Variants in TNFRSF9 observed in about 807,000 individuals in gnomAD.
The protein encoded by TNFRSF9 is TNF receptor superfamily member 9.
Under a neutral mutation model 28.8 loss-of-function variants are expected in TNFRSF9, and 16 were observed. That is an observed-to-expected ratio of 0.55 (90% CI 0.38 to 0.84). TNFRSF9 has a LOEUF of 0.84. Among genes scored for constraint, TNFRSF9 ranks in the 40% least tolerant of loss-of-function variants. The pLI is 0.00. For missense variants in TNFRSF9, 303 were observed against 315.0 expected (o/e 0.96, Z 0.29); for synonymous variants, 131 against 117.0 (o/e 1.12, Z -0.77).
At chr1:7,936,232 A>G (rs1450547689) in intron 5 of TNFRSF9, among the ~76,000 whole-genome samples, 1 of 152,162 alleles carries the variant, frequency 6.6e-6, no homozygotes, top group Non-Finnish European at 1.5e-5. Context: ...CCTGGCTAAC[A>G]TGGTGAAAGC....
intron 5 of TNFRSF9, among the ~76,000 whole-genome samples, chr1:7,935,731 A>G (rs1639807053): frequency 6.6e-6 from 1 of 152,148 alleles, no homozygotes; most frequent in Non-Finnish European, 1.5e-5. Flanking sequence ...CGGGAGACTG[A>G]GGTGGGAGGA....
rs150427848 is a variant in TNFRSF9, at chr1:7,929,683, A to T, written c.679+3479T>A. ...AAGACAGATAAGTGGTTGCCAGGGGATGGTGGGGAGAGGTAGAGGACCTAA... is the reference window on the plus strand; with the variant it reads ...AAGACAGATAAGTGGTTGCCAGGGGTTGGTGGGGAGAGGTAGAGGACCTAA... On this transcript the variant is annotated intron_variant, in intron 7 of 7. Coordinates refer to ENST00000377507, the MANE Select transcript of TNFRSF9 (RefSeq NM_001561.6). Among the ~76,000 whole-genome samples, 271 of 152,274 alleles carry T rather than the reference A, an allele frequency of 1.8e-3. 1 individual carries two copies. Among genetic ancestry groups the T allele is most frequent in the Non-Finnish European group, 3.4e-3 (229 of 68,018 alleles).
At chr1:7,932,808 G>C (rs1423339120) in intron 7 of TNFRSF9, among the ~76,000 whole-genome samples, 1 of 151,832 alleles carries the variant, frequency 6.6e-6, no homozygotes, top group Middle Eastern at 3.2e-3. Context: ...CATTTTTCTA[G>C]AACCGAGGTG....
chr1:7,920,815 C>A lies in TNFRSF9; in HGVS notation c.*20G>T. ...TTGCTTCTTTTCAAGAAAGTCCCAA[C>A]AGCCCTATTGACTTCCATTTCACAG... On this transcript the variant is annotated 3_prime_UTR_variant, in exon 8 of 8. Coordinates refer to ENST00000377507, the MANE Select transcript of TNFRSF9 (RefSeq NM_001561.6). 6.3e-7 allele frequency: 1 copy of A among 1,594,542 alleles called. No individual in the cohort carries two copies. Among genetic ancestry groups the A allele is most frequent in the Non-Finnish European group, 8.6e-7 (1 of 1,162,768 alleles).
At chr1:7,935,229 G>A (rs1472067143) in intron 5 of TNFRSF9, 86 bp from the exon 6 acceptor site, 1 of 1,459,012 alleles carries the variant, frequency 6.9e-7, no homozygotes, top group Non-Finnish European at 9.3e-7. Flanking sequence ...TTCACCCAAT[G>A]AAGTAGCCTA....
At position 7,938,721 on chromosome 1, in the gene TNFRSF9, C is replaced by A. The variant is rs1399281402; in HGVS notation, c.208G>T (p.Gly70Cys). The change falls in exon 3 of 8, where the codon GGT becomes TGT. Residue 70 changes from glycine (G) to cysteine (C), a missense_variant and splice_region_variant. Gly to Cys is a radical substitution (Grantham distance 159). Coordinates refer to ENST00000377507, the MANE Select transcript of TNFRSF9 (RefSeq NM_001561.6). ...RTCDICRQCK[G>C]VFRTRKECSS... ...GAAGAAAATATCTTTGAACTCATAC[C>A]TTTACACTGCCTGCATATGTCACAG... The A allele has an allele frequency of 2.5e-6, 4 of 1,608,748 alleles. No individual in the cohort carries two copies. Among genetic ancestry groups the A allele is most frequent in the African/African-American group, 1.3e-5 (1 of 74,830 alleles).
rs1491203940 is a variant in TNFRSF9, at chr1:7,929,157, C to CTTTTTTTTTTTT, written c.679+4004_679+4005insAAAAAAAAAAAA. Among the ~76,000 whole-genome samples, 20 of 65,436 alleles carry CTTTTTTTTTTTT rather than the reference C, an allele frequency of 3.1e-4. 3 individuals are homozygous for CTTTTTTTTTTTT. The highest frequency in any genetic ancestry group is 5.5e-4 in the Admixed American group (3 of 5,502). 42.9% of individuals were successfully genotyped at this position (65,436 alleles called of 152,430 possible). A position where few individuals can be genotyped will look rare whatever the true frequency, so the allele number is the denominator to read the frequency against. On this transcript the variant is annotated intron_variant, in intron 7 of 7. Transcript: ENST00000377507. ...CTCAGTTTTTCTTTTTTTTCTTTTT[C>CTTTTTTTTTTTT]CTTTTTTTTTTTTTTTTTTTTTGAG... is the stretch of plus-strand genomic sequence containing the variant.
chr1:7,928,291 A>G (rs1250721563), intron 7 of TNFRSF9, among the ~76,000 whole-genome samples: 1 of 152,246 alleles, frequency 6.6e-6, no homozygotes, highest in South Asian at 2.1e-4. Flanking sequence ...ACTCCTGAGC[A>G]TTTATCATAG....
intron 7 of TNFRSF9, among the ~76,000 whole-genome samples, chr1:7,930,780 A>G (rs1639722529): frequency 6.6e-6 from 1 of 152,206 alleles, no homozygotes; most frequent in Non-Finnish European, 1.5e-5. Flanking sequence ...AAAAAACAAA[A>G]GACAAAACTG....
rs1639474625 is a variant in TNFRSF9 at position 7,916,058 on chromosome 1, T to G, written c.*4777A>C. 1 of 152,150 alleles carries G rather than the reference T, an allele frequency of 6.6e-6. No homozygotes were observed. Among genetic ancestry groups the G allele is most frequent in the South Asian group, 2.1e-4 (1 of 4,824 alleles). The allele number at this position is 152,150 out of a possible 1,614,324, so 9.4% of individuals were successfully genotyped here. On this transcript the variant is annotated 3_prime_UTR_variant, in exon 8 of 8. Transcript: ENST00000377507. ...GGAAACATCTTCCTGTGGGGGAAGA[T>G]GCCCACTTTATAGTCATCCGCCCCT... is the stretch of plus-strand genomic sequence containing the variant.
At position 7,920,305 on chromosome 1, in the gene TNFRSF9, T is replaced by TTC. The variant is rs34786825; in HGVS notation, c.*529_*530insGA. 8.3e-5 allele frequency: 4 copies of TTC among 48,428 alleles called. No homozygotes were observed. Among genetic ancestry groups the TTC allele is most frequent in the African/African-American group, 2.6e-4 (1 of 3,888 alleles). The allele number at this position is 48,428 out of a possible 1,614,324, so 3.0% of individuals were successfully genotyped here. ...CTGTTAAGTGGTATCTAGAAAATGC[T>TTC]TTTTTTTTTTTTTTTTTATCACCAG... is the stretch of plus-strand genomic sequence containing the variant. On this transcript the variant is annotated 3_prime_UTR_variant, in exon 8 of 8. Transcript: ENST00000377507.
chr1:7,934,477 G>A (rs1182620944), intron 6 of TNFRSF9, among the ~76,000 whole-genome samples: 7 of 152,116 alleles, frequency 4.6e-5, no homozygotes, highest in South Asian at 2.1e-4. Context: ...TTGGGAGGCC[G>A]AGGTGGGCGG....
chr1:7,921,088 C>G (rs887239962), intron 7 of TNFRSF9, among the ~76,000 whole-genome samples, 165 bp from the exon 8 acceptor site: 1 of 152,102 alleles, frequency 6.6e-6, no homozygotes, highest in Non-Finnish European at 1.5e-5. Context: ...GTAACCCCAG[C>G]ACTTTGGAAG....
chr1:7,940,255 G>A (rs777446238), intron 1 of TNFRSF9, among the ~76,000 whole-genome samples, 177 bp from the exon 2 acceptor site: 66 of 152,328 alleles, frequency 4.3e-4, no homozygotes, highest in Non-Finnish European at 6.0e-4. Flanking sequence ...CAAGGCAGGC[G>A]TGATTAAACA....
intron 6 of TNFRSF9, among the ~76,000 whole-genome samples, chr1:7,933,674 AAC>A (rs1449227584): frequency 1.6e-4 from 24 of 151,818 alleles, no homozygotes; most frequent in South Asian, 6.3e-4. Context: ...CAACCTGGGC[AAC>A]AGAGTGAGAC....
chr1:7,935,494 G>T (rs1639803552), intron 5 of TNFRSF9, among the ~76,000 whole-genome samples: 1 of 152,174 alleles, frequency 6.6e-6, no homozygotes, highest in South Asian at 2.1e-4. Flanking sequence ...TTTGAGCCCT[G>T]GGTCTGCTGC....
At chr1:7,929,575 C>T (rs961122625) in intron 7 of TNFRSF9, among the ~76,000 whole-genome samples, 1 of 152,072 alleles carries the variant, frequency 6.6e-6, no homozygotes, top group Non-Finnish European at 1.5e-5. Flanking sequence ...TAGAGAGGCT[C>T]TCTCTATCTA....
chr1:7,937,613 C>T, intron 5 of TNFRSF9, 77 bp downstream of exon 5: 3 of 1,223,984 alleles, frequency 2.5e-6, no homozygotes, highest in Admixed American at 3.5e-5. Context: ...AAAAAAGCTT[C>T]AATGATAGCA....
intron 3 of TNFRSF9, 97 bp from the exon 4 acceptor site, chr1:7,938,427 C>T: frequency 7.8e-7 from 1 of 1,278,226 alleles, no homozygotes; most frequent in East Asian, 2.6e-5. Flanking sequence ...GCTCACTCTA[C>T]TTATAGTGTT....
Sources: gnomAD v4.1 joint callset for allele counts (sites outside exome capture counted in the v4.1 genomes callset) on GRCh38, gnomAD v4.1.1 for gene constraint, MANE v1.5 for transcripts, NCBI Gene and HGNC (gene_info 2026-07-23, HGNC 2026-07-21) for gene names.